The following SETBP1 variants were observed in gnomAD, a reference collection of about 807,000 sequenced individuals.
The protein encoded by SETBP1 is SET binding protein 1.
A neutral mutation model predicts 101.0 loss-of-function variants in SETBP1; 9 were observed. That is an observed-to-expected ratio of 0.09 (90% CI 0.05 to 0.16). The LOEUF (loss-of-function observed/expected upper bound fraction) is 0.16. Ranked by LOEUF, SETBP1 falls within the 10% of genes least tolerant of loss-of-function variation. The probability of loss-of-function intolerance (pLI) is 1.00; values close to 1 mark genes in which losing one functional copy is unlikely to be tolerated. For synonymous variants in SETBP1, 818 were observed against 788.5 expected (o/e 1.04, Z -0.63); for missense variants, 1,858 against 2,033.8 (o/e 0.91, Z 1.66).
intron 3 of SETBP1, among the ~76,000 whole-genome samples, chr18:44,881,179 C>T (rs1599268904): frequency 6.6e-6 from 1 of 152,244 alleles, no homozygotes; most frequent in Admixed American, 6.5e-5. Context: ...TGGAGGTTTA[C>T]TTGTCACTCA....
intron 4 of SETBP1, among the ~76,000 whole-genome samples, chr18:44,997,352 G>A (rs1358083597): frequency 6.6e-6 from 1 of 152,078 alleles, no homozygotes; most frequent in Non-Finnish European, 1.5e-5. Context: ...AGAAACCCAG[G>A]CCTTATGCTT....
In SETBP1 at chr18:45,016,331, C is replaced by T. The variant is rs575306323; in HGVS notation, c.4001-22154C>T. ...TAAGCCAGGGTGCAACTGAGAAACCCAGGGAAGAGAGCAGAGCCCATGCCC... is the reference window on the plus strand; with the variant it reads ...TAAGCCAGGGTGCAACTGAGAAACCTAGGGAAGAGAGCAGAGCCCATGCCC... On this transcript the variant is annotated intron_variant, in intron 4 of 5. Transcript: ENST00000649279. Among the ~76,000 whole-genome samples the T allele has an allele frequency of 3.9e-5, 6 of 152,232 alleles. No individual in the cohort carries two copies. The South Asian group carries it at 1.2e-3, about 32-fold the overall frequency.
rs145017672 is a variant in SETBP1, at chr18:45,056,968, T to C, written c.4172-6111T>C. Among the ~76,000 whole-genome samples, 290 of 152,340 alleles carry C rather than the reference T, an allele frequency of 1.9e-3. 3 individuals are homozygous for C. Among genetic ancestry groups the C allele is most frequent in the African/African-American group, 6.7e-3 (278 of 41,588 alleles). Reference sequence around the variant, plus strand: ...GTTGTTGTTTGAATAGTCAAGCAGTTACTATGCTTTAAACAAGCTAGTCAT... The same window carrying C: ...GTTGTTGTTTGAATAGTCAAGCAGTCACTATGCTTTAAACAAGCTAGTCAT... On this transcript the variant is annotated intron_variant, in intron 5 of 5. Coordinates refer to ENST00000649279, the MANE Select transcript of SETBP1 (RefSeq NM_015559.3).
At position 44,952,187 on chromosome 18, in the gene SETBP1, T is replaced by C; in HGVS notation, c.2847T>C (p.Asp949=). The change falls in exon 4 of 6, where the codon GAT becomes GAC. Residue 949 remains aspartate, a synonymous_variant. Coordinates refer to ENST00000649279, the MANE Select transcript of SETBP1 (RefSeq NM_015559.3). ...AACGGAAAAGCCTGCAAAACCGCGA[T>C]GACCTCCAGTTTCTGGCAGACCTGG... ...KRKRKSLQNR[D]DLQFLADLEE... 1.2e-6 allele frequency: 2 copies of C among 1,614,188 alleles called. No homozygotes were observed. The highest frequency in any genetic ancestry group is 1.7e-6 in the Non-Finnish European group (2 of 1,180,038).
intron 3 of SETBP1, among the ~76,000 whole-genome samples, chr18:44,946,948 A>G (rs1222635258): frequency 1.3e-5 from 2 of 152,226 alleles, no homozygotes. Flanking sequence ...ATGTTGCAAT[A>G]CATAGATCAT....
chr18:44,998,455 A>C (rs1425324525), intron 4 of SETBP1, among the ~76,000 whole-genome samples: 1 of 152,248 alleles, frequency 6.6e-6, no homozygotes, highest in Non-Finnish European at 1.5e-5. Context: ...GCACAGAATA[A>C]AATTGTATAC....
chr18:44,684,887 T>C (rs1471968470), intron 1 of SETBP1, among the ~76,000 whole-genome samples: 2 of 152,182 alleles, frequency 1.3e-5, no homozygotes, highest in Non-Finnish European at 2.9e-5. Flanking sequence ...CATCAGGTGA[T>C]CCACCTGTCT....
At chr18:45,002,321 G>C (rs1288276185) in intron 4 of SETBP1, among the ~76,000 whole-genome samples, 2 of 145,170 alleles carry the variant, frequency 1.4e-5, no homozygotes, top group Non-Finnish European at 3.0e-5. Flanking sequence ...AAGAGGAACA[G>C]ATTCCATTCT....
chr18:44,956,858 G>T (rs1194978191), intron 4 of SETBP1, among the ~76,000 whole-genome samples: 4 of 152,226 alleles, frequency 2.6e-5, no homozygotes, highest in Admixed American at 2.6e-4. Context: ...CTGCCCAGCA[G>T]ATGGTTGCAT....
chr18:45,025,825 T>C (rs2073153651), intron 4 of SETBP1, among the ~76,000 whole-genome samples: 1 of 152,224 alleles, frequency 6.6e-6, no homozygotes, highest in Non-Finnish European at 1.5e-5. Context: ...CATCAATACA[T>C]GGCCAAACTT....
At chr18:44,702,868 T>C (rs1216491579) in intron 2 of SETBP1, among the ~76,000 whole-genome samples, 1 of 152,216 alleles carries the variant, frequency 6.6e-6, no homozygotes, top group Non-Finnish European at 1.5e-5. Flanking sequence ...GTCCAACACA[T>C]CACGGACTTT....
chr18:44,887,915 C>G (rs1051958802), intron 3 of SETBP1, among the ~76,000 whole-genome samples: 1 of 152,072 alleles, frequency 6.6e-6, no homozygotes, highest in African/African-American at 2.4e-5. Flanking sequence ...ATACCTGGAA[C>G]CCAGATTCCA....
At chr18:45,039,490 A>T (rs1056619534) in intron 5 of SETBP1, among the ~76,000 whole-genome samples, 1 of 152,212 alleles carries the variant, frequency 6.6e-6, no homozygotes, top group Non-Finnish European at 1.5e-5. Flanking sequence ...CCTCCAGGAC[A>T]TCCAGAATCT....
intron 4 of SETBP1, among the ~76,000 whole-genome samples, chr18:44,958,572 G>A (rs1393713902): frequency 6.6e-6 from 1 of 152,090 alleles, no homozygotes; most frequent in Non-Finnish European, 1.5e-5. Flanking sequence ...GCTTAAGAAG[G>A]TCAAGTGACT....
intron 2 of SETBP1, among the ~76,000 whole-genome samples, chr18:44,719,794 T>C (rs2069545727): frequency 6.6e-6 from 1 of 152,180 alleles, no homozygotes; most frequent in Non-Finnish European, 1.5e-5. Flanking sequence ...CCACTTCTGC[T>C]CATCTTATTT....
intron 2 of SETBP1, among the ~76,000 whole-genome samples, chr18:44,859,925 G>C (rs1281514605): frequency 6.6e-6 from 1 of 152,166 alleles, no homozygotes; most frequent in Admixed American, 6.5e-5. Context: ...TTTGGCCGAG[G>C]GACCCAGATT....
Position 45,020,372 on chromosome 18 carries a change from A to G in SETBP1, c.4001-18113A>G, listed in dbSNP as rs1181986097. Among the ~76,000 whole-genome samples, 5 of 151,636 alleles carry G rather than the reference A, an allele frequency of 3.3e-5. No individual in the cohort carries two copies. In the Admixed American group the frequency reaches 3.3e-4, roughly 10 times the overall value. On this transcript the variant is annotated intron_variant, in intron 4 of 5. Transcript: ENST00000649279. ...ACTATGAGGCACCCACACTTACATC[A>G]TAGAAACACCCAGACAAGCCTGGAC...
chr18:44,917,356 T>G (rs1410617036), intron 3 of SETBP1, among the ~76,000 whole-genome samples: 1 of 152,166 alleles, frequency 6.6e-6, no homozygotes, highest in Non-Finnish European at 1.5e-5. Flanking sequence ...GGAGAGGCAG[T>G]TTGGTGCAGG....
chr18:44,905,375 A>G (rs2070149545), intron 3 of SETBP1, among the ~76,000 whole-genome samples: 2 of 152,330 alleles, frequency 1.3e-5, no homozygotes, highest in East Asian at 3.9e-4. Flanking sequence ...AGAAGCTTGA[A>G]TGGTGACTCC....
Sources: allele counts gnomAD v4.1 joint callset (sites outside exome capture counted in the v4.1 genomes callset), GRCh38; gene constraint gnomAD v4.1.1; transcripts MANE v1.5; gene names NCBI Gene and HGNC (gene_info 2026-07-23, HGNC 2026-07-21).